Variants in N4BP1 observed in about 807,000 individuals in gnomAD.
The protein encoded by N4BP1 is NEDD4-binding protein 1.
Under a neutral mutation model 70.9 loss-of-function variants are expected in N4BP1, and 21 were observed. That is an observed-to-expected ratio of 0.30 (90% CI 0.21 to 0.43). The LOEUF (loss-of-function observed/expected upper bound fraction) is 0.43, where lower values mean the gene tolerates loss of function less well. N4BP1 is among the 20% of genes least tolerant of loss of function. N4BP1 has a pLI of 1.00. For synonymous variants in N4BP1, 387 were observed against 394.6 expected (o/e 0.98, Z 0.23); for missense variants, 936 against 1,069.4 (o/e 0.88, Z 1.74).
chr16:48,582,336 T>C (rs547899433), intron 1 of N4BP1, among the ~76,000 whole-genome samples: 123 of 152,322 alleles, frequency 8.1e-4, no homozygotes, highest in African/African-American at 2.4e-3. Context: ...CTATCCAGTA[T>C]TGGAATCATT....
chr16:48,551,595 T>A (rs1963666608), intron 3 of N4BP1, 113 bp from the exon 4 acceptor site: 2 of 671,604 alleles, frequency 3.0e-6, no homozygotes, highest in East Asian at 5.8e-5. Flanking sequence ...AAAACCTTTT[T>A]TCTATTGACT....
intron 1 of N4BP1, among the ~76,000 whole-genome samples, chr16:48,587,955 G>A (rs1476062249): frequency 6.6e-6 from 1 of 151,976 alleles, no homozygotes; most frequent in Non-Finnish European, 1.5e-5. Context: ...AATATGTAGA[G>A]ATAGTTTTCT....
chr16:48,548,301 A>G (rs1963617718), intron 4 of N4BP1, among the ~76,000 whole-genome samples, 187 bp from the exon 5 acceptor site: 1 of 152,244 alleles, frequency 6.6e-6, no homozygotes, highest in African/African-American at 2.4e-5. Flanking sequence ...CTCTAAAATT[A>G]TTAGCGTGAT....
chr16:48,564,212 G>A (rs897011829), intron 1 of N4BP1, among the ~76,000 whole-genome samples: 4 of 152,152 alleles, frequency 2.6e-5, no homozygotes, highest in Non-Finnish European at 4.4e-5. Context: ...TTTTGTGACA[G>A]CAAGTTTTTA....
At chr16:48,598,518 G>A (rs1264379691) in intron 1 of N4BP1, among the ~76,000 whole-genome samples, 5 of 151,974 alleles carry the variant, frequency 3.3e-5, no homozygotes, top group African/African-American at 9.7e-5. Context: ...ATTAAGATAC[G>A]GCATGAATAA....
In N4BP1 at chr16:48,546,258, C is replaced by CA. The variant is rs777118906; in HGVS notation, c.2226-5dup. 8.2e-5 allele frequency: 131 copies of CA among 1,588,886 alleles called. 1 individual carries two copies. In the South Asian group the frequency reaches 1.0e-3, roughly 12 times the overall value. Reference sequence around the variant, plus strand: ...CACGAACGTGTACTGCAGCAGCCTACAACACAGAACACCATGAGGCTGAGA... The same window carrying CA: ...CACGAACGTGTACTGCAGCAGCCTACAAACACAGAACACCATGAGGCTGAGA... On this transcript the variant is annotated splice_polypyrimidine_tract_variant and splice_region_variant and intron_variant, in intron 5 of 6. Coordinates refer to ENST00000262384, the MANE Select transcript of N4BP1 (RefSeq NM_153029.4).
At chr16:48,548,601 C>T (rs1963621538) in intron 4 of N4BP1, among the ~76,000 whole-genome samples, 1 of 152,046 alleles carries the variant, frequency 6.6e-6, no homozygotes, top group Non-Finnish European at 1.5e-5. Context: ...AATCCCAACA[C>T]TTTGGGAGGT....
intron 2 of N4BP1, among the ~76,000 whole-genome samples, chr16:48,558,810 G>C (rs946580919): frequency 6.6e-6 from 1 of 152,040 alleles, no homozygotes; most frequent in African/African-American, 2.4e-5. Flanking sequence ...TCATTTGCTG[G>C]GTTTCCCCTA....
chr16:48,580,380 T>C (rs1964159545), intron 1 of N4BP1, among the ~76,000 whole-genome samples: 1 of 152,052 alleles, frequency 6.6e-6, no homozygotes, highest in Non-Finnish European at 1.5e-5. Flanking sequence ...AAGATTGAAT[T>C]AGGAATAGAA....
chr16:48,585,347 T>C (rs1229409191), intron 1 of N4BP1, among the ~76,000 whole-genome samples: 3 of 151,896 alleles, frequency 2.0e-5, no homozygotes, highest in African/African-American at 4.8e-5. Flanking sequence ...ATGAAAAATA[T>C]AAAATTTGGC....
At position 48,561,124 on chromosome 16, in the gene N4BP1, CA is replaced by C; in HGVS notation, c.1518del (p.Phe506LeufsTer33). On this transcript the variant is annotated frameshift_variant, in exon 2 of 7. Coordinates refer to ENST00000262384, the MANE Select transcript of N4BP1 (RefSeq NM_153029.4). LOFTEE classifies it high-confidence loss of function. ...VASPSPKEVN[F>X]VSRGASSHQP... is the part of the protein sequence containing the mutation. ...TGGTGACTTGAAGCTCCCCTTGAAA[CA>C]AAATTGACTTCTTTGGGACTTGGAG... 6.2e-7 allele frequency: 1 copy of C among 1,613,956 alleles called. No individual in the cohort carries two copies. The highest frequency in any genetic ancestry group is 8.5e-7 in the Non-Finnish European group (1 of 1,179,862).
chr16:48,604,907 A>G (rs950806950), intron 1 of N4BP1, among the ~76,000 whole-genome samples: 1 of 152,190 alleles, frequency 6.6e-6, no homozygotes, highest in Non-Finnish European at 1.5e-5. Context: ...TGCCCTCTCC[A>G]AAAGGGCCAC....
intron 1 of N4BP1, among the ~76,000 whole-genome samples, chr16:48,586,880 T>TA (rs954867744): frequency 6.6e-6 from 1 of 152,160 alleles, no homozygotes; most frequent in African/African-American, 2.4e-5. Flanking sequence ...TTTTTTTTTT[T>TA]AGAGACTACA....
chr16:48,545,942 G>A (rs776746483), intron 6 of N4BP1, among the ~76,000 whole-genome samples: 4 of 151,678 alleles, frequency 2.6e-5, no homozygotes, highest in Non-Finnish European at 4.4e-5. Flanking sequence ...TGGGAGGATC[G>A]CTGAAGCCCA....
chr16:48,539,305 A>C lies in N4BP1; in HGVS notation c.*3599T>G, dbSNP rs1384204816. 1 of 152,494 alleles carries C rather than the reference A, an allele frequency of 6.6e-6. No homozygotes were observed. The allele number at this position is 152,494 out of a possible 1,614,324, so 9.4% of individuals were successfully genotyped here. A position where few individuals can be genotyped will look rare whatever the true frequency, so the allele number is the denominator to read the frequency against. ...AGGGGCCAGCCAGTTAGGGCCCACC[A>C]CCCCTGGGTGTCTGAGAGTGGGAGT... On this transcript the variant is annotated 3_prime_UTR_variant, in exon 7 of 7. Transcript: ENST00000262384.
intron 6 of N4BP1, among the ~76,000 whole-genome samples, chr16:48,544,253 A>G (rs1046253295): frequency 6.6e-6 from 1 of 152,238 alleles, no homozygotes; most frequent in Non-Finnish European, 1.5e-5. Context: ...AATGATTCAC[A>G]AGACCAGGGA....
chr16:48,547,073 C>G (rs1963600810), intron 5 of N4BP1, among the ~76,000 whole-genome samples: 1 of 152,256 alleles, frequency 6.6e-6, no homozygotes, highest in African/African-American at 2.4e-5. Context: ...AATTAACTCT[C>G]ACCTGGGCAT....
chr16:48,608,742 C>T (rs1483449986), intron 1 of N4BP1, among the ~76,000 whole-genome samples: 30 of 145,384 alleles, frequency 2.1e-4, no homozygotes, highest in Non-Finnish European at 7.5e-5. Flanking sequence ...TTTCAGTTTC[C>T]CCAGCTGTTA....
chr16:48,568,050 A>C (rs1963967597), intron 1 of N4BP1, among the ~76,000 whole-genome samples: 1 of 152,178 alleles, frequency 6.6e-6, no homozygotes, highest in South Asian at 2.1e-4. Context: ...TAAACTGTTT[A>C]CCTCACCCTG....
Sources: gnomAD v4.1 joint callset for allele counts (sites outside exome capture counted in the v4.1 genomes callset) on GRCh38, gnomAD v4.1.1 for gene constraint, MANE v1.5 for transcripts, NCBI Gene and HGNC (gene_info 2026-07-23, HGNC 2026-07-21) for gene names.